Variants in FBXO47 observed in about 807,000 individuals in gnomAD.
FBXO47 encodes the protein F-box protein 47.
In FBXO47, 34 loss-of-function variants were observed where a neutral mutation model predicts 53.9. The observed-to-expected ratio is 0.63, with a 90% CI of 0.48 to 0.84. The LOEUF (loss-of-function observed/expected upper bound fraction) is 0.84, where lower values mean the gene tolerates loss of function less well. Among genes scored for constraint, FBXO47 ranks in the 40% least tolerant of loss-of-function variants. FBXO47 has a pLI of 0.00. For missense variants in FBXO47, 485 were observed against 541.3 expected (o/e 0.90, Z 1.03); for synonymous variants, 165 against 181.6 (o/e 0.91, Z 0.73).
At chr17:38,947,870 C>T (rs1905019557) in intron 6 of FBXO47, among the ~76,000 whole-genome samples, 1 of 151,990 alleles carries the variant, frequency 6.6e-6, no homozygotes, top group Non-Finnish European at 1.5e-5. Flanking sequence ...GAGATCATAC[C>T]ACTGCACTCT....
At chr17:38,956,121 G>A (rs1238454230) in intron 4 of FBXO47, among the ~76,000 whole-genome samples, 1 of 150,416 alleles carries the variant, frequency 6.6e-6, no homozygotes, top group Non-Finnish European at 1.5e-5. Context: ...GGAGGACAGA[G>A]TGAGACTCCA....
At chr17:38,944,441 A>G (rs9892663) in intron 7 of FBXO47, among the ~76,000 whole-genome samples, 4,949 of 151,338 alleles carry the variant, frequency 0.033, 241 homozygotes, top group African/African-American at 0.098. Flanking sequence ...GGTGGCTCAC[A>G]TCTGTAATCC....
intron 9 of FBXO47, 146 bp downstream of exon 9, chr17:38,942,632 T>A (rs1904561007): frequency 7.1e-6 from 4 of 565,042 alleles, no homozygotes; most frequent in Middle Eastern, 4.8e-4. Context: ...TGTTTTAATA[T>A]TTTGAAAAAG....
intron 1 of FBXO47, among the ~76,000 whole-genome samples, chr17:38,964,305 C>G (rs1317397301): frequency 4.6e-5 from 7 of 151,848 alleles, no homozygotes; most frequent in Admixed American, 4.6e-4. Context: ...ACTAAAAATA[C>G]AAAAATTAGG....
intron 7 of FBXO47, 112 bp downstream of exon 7, chr17:38,944,848 A>ATGTGTGTGTGTGTGTGTGTG (rs71300085): frequency 0.012 from 7,552 of 615,780 alleles, 94 homozygotes; most frequent in East Asian, 0.053. Context: ...GCGTGCATGC[A>ATGTGTGTGTGTGTGTGTGTG]TGTGTGTGTG....
intron 6 of FBXO47, among the ~76,000 whole-genome samples, chr17:38,945,501 C>G (rs543149688): frequency 6.6e-6 from 1 of 152,102 alleles, no homozygotes; most frequent in East Asian, 1.9e-4. Context: ...CTTCATTTTC[C>G]TCTATGAAAG....
At chr17:38,940,466 C>G (rs967162069) in intron 9 of FBXO47, among the ~76,000 whole-genome samples, 2 of 151,880 alleles carry the variant, frequency 1.3e-5, no homozygotes, top group Non-Finnish European at 2.9e-5. Flanking sequence ...GGTTCAAGCT[C>G]CACAGAATGG....
chr17:38,959,201 T>C (rs974470457), intron 3 of FBXO47, among the ~76,000 whole-genome samples: 2 of 152,004 alleles, frequency 1.3e-5, no homozygotes, highest in Non-Finnish European at 2.9e-5. Context: ...AGAGACTAAC[T>C]TTTTTAAAGT....
At chr17:38,962,180 G>A (rs1256025263) in intron 2 of FBXO47, 133 bp from the exon 3 acceptor site, 2 of 715,776 alleles carry the variant, frequency 2.8e-6, no homozygotes, top group East Asian at 5.5e-5. Context: ...TGGGAAAAAA[G>A]GGAAAAACCT....
intron 4 of FBXO47, among the ~76,000 whole-genome samples, chr17:38,955,725 C>A (rs1366834016): frequency 6.6e-6 from 1 of 151,310 alleles, no homozygotes; most frequent in Non-Finnish European, 1.5e-5. Flanking sequence ...TTTGGGAGGC[C>A]GAGGTGGGAG....
rs1905895746 is a variant in FBXO47, at chr17:38,962,997, GT to G, written c.28del (p.Thr10LeufsTer2). The G allele has an allele frequency of 6.2e-7, 1 of 1,611,670 alleles. No individual in the cohort carries two copies. The highest frequency in any genetic ancestry group is 1.3e-5 in the African/African-American group (1 of 74,834). The part of the protein sequence containing the change: MASRINTNF[T>X]LIPNQKLRRS... The stretch of plus-strand genomic sequence containing the variant: ...TCTAAGTTTCTGGTTGGGAATCAAA[GT>G]GAAATTTGTATTTATTCTGGATGCC... On this transcript the variant is annotated frameshift_variant, in exon 2 of 11. Transcript: ENST00000378079. LOFTEE classifies it high-confidence loss of function.
intron 1 of FBXO47, among the ~76,000 whole-genome samples, chr17:38,966,454 C>T (rs971786163): frequency 2.6e-5 from 4 of 152,222 alleles, no homozygotes; most frequent in African/African-American, 9.6e-5. Context: ...CCTGCCCCGG[C>T]CTCCCAAAGT....
At chr17:38,951,386 G>C (rs1269937291) in intron 6 of FBXO47, among the ~76,000 whole-genome samples, 195 bp downstream of exon 6, 1 of 151,392 alleles carries the variant, frequency 6.6e-6, no homozygotes, top group African/African-American at 2.4e-5. Context: ...TAGAGACAAG[G>C]TCTCGCTATG....
chr17:38,953,353 G>A (rs537226457), intron 5 of FBXO47, among the ~76,000 whole-genome samples: 2 of 149,394 alleles, frequency 1.3e-5, no homozygotes, highest in East Asian at 4.1e-4. Context: ...GGCCAGTCGT[G>A]GTGGCTAATG....
At chr17:38,959,104 T>C (rs1192683806) in intron 3 of FBXO47, among the ~76,000 whole-genome samples, 5 of 151,818 alleles carry the variant, frequency 3.3e-5, no homozygotes, top group Admixed American at 3.3e-4. Context: ...ATAAAACTCC[T>C]ATTTTTAAGG....
rs1191399520 is a variant in FBXO47 at position 38,942,790 on chromosome 17, G to T, written c.1071C>A (p.Val357=). The T allele has an allele frequency of 3.7e-6, 6 of 1,606,122 alleles. No individual in the cohort carries two copies. Among genetic ancestry groups the T allele is most frequent in the Non-Finnish European group, 5.1e-6 (6 of 1,178,110 alleles). ...GRTIELARLV[V]FLALVCEKEL... Reference sequence around the variant, plus strand: ...TATTTTTACTTACCAAAGCCAAAAAGACTACGAGCCTTGCCAGTTCAATGG... The same window carrying T: ...TATTTTTACTTACCAAAGCCAAAAATACTACGAGCCTTGCCAGTTCAATGG... Residue 357 remains valine, a synonymous_variant, in exon 9 of 11, where the codon GTC becomes GTA. Transcript: ENST00000378079.
intron 1 of FBXO47, among the ~76,000 whole-genome samples, chr17:38,966,056 T>C (rs897229527): frequency 6.6e-6 from 1 of 152,298 alleles, no homozygotes; most frequent in South Asian, 2.1e-4. Flanking sequence ...CTTTGTAATC[T>C]GCTTTTTTCA....
At chr17:38,939,833 A>G (rs1904430120) in intron 9 of FBXO47, among the ~76,000 whole-genome samples, 1 of 149,938 alleles carries the variant, frequency 6.7e-6, no homozygotes, top group South Asian at 2.1e-4. Context: ...GCGCCCGGCT[A>G]ATTTTTTGTA....
rs1159741397 is a variant in FBXO47 at position 38,962,063 on chromosome 17, T to C, written c.182-16A>G. 10 of 1,602,132 alleles carry C rather than the reference T, an allele frequency of 6.2e-6. No homozygotes were observed. The highest frequency in any genetic ancestry group is 3.5e-5 in the Admixed American group (2 of 57,274). On this transcript the variant is annotated splice_polypyrimidine_tract_variant and intron_variant, in intron 2 of 10. Transcript: ENST00000378079. The stretch of plus-strand genomic sequence containing the variant: ...ATATCCTTCACTACCAAAAGAAATA[T>C]ATATGTGTATGTATCAATGGCTTAA...
Sources: allele counts gnomAD v4.1 joint callset (sites outside exome capture counted in the v4.1 genomes callset), GRCh38; gene constraint gnomAD v4.1.1; transcripts MANE v1.5; gene names NCBI Gene and HGNC (gene_info 2026-07-23, HGNC 2026-07-21).